PRDM15: variants seen among roughly 807,000 people sequenced by gnomAD.
PRDM15 encodes PR domain zinc finger protein 15.
PRDM15 carries 64 observed loss-of-function variants against 128.6 expected under a neutral mutation model. That is an observed-to-expected ratio of 0.50 (90% confidence interval 0.41 to 0.61). The LOEUF (loss-of-function observed/expected upper bound fraction) is 0.61. PRDM15 is among the 20% of genes least tolerant of loss of function. The pLI is 0.00. For missense variants in PRDM15, 1,242 were observed against 1,569.1 expected, an observed-to-expected ratio of 0.79 and a Z score of 3.52; for synonymous variants, 615 against 621.8, an observed-to-expected ratio of 0.99 and a Z score of 0.16.
rs1226394694 is a variant in PRDM15, at chr21:41,828,878, T to C, written c.1367-545A>G. The stretch of plus-strand genomic sequence containing the variant: ...ATTCCCCCCTTCACCCAAATCCTCC[T>C]CAGCACACACACAATCACACACCAC... On this transcript the variant is annotated intron_variant, in intron 11 of 23. Transcript: ENST00000398548. The surrounding 1 kb of genome is among the most constrained non-coding windows in gnomAD (Gnocchi z 5.7). Among the ~76,000 whole-genome samples, 1 of 151,558 alleles carries C rather than the reference T, an allele frequency of 6.6e-6. No homozygotes were observed.
At chr21:41,866,576 A>T (rs2064016659) in intron 1 of PRDM15, among the ~76,000 whole-genome samples, 2 of 152,256 alleles carry the variant, frequency 1.3e-5, no homozygotes, top group African/African-American at 4.8e-5. Context: ...AAGTTCAAAC[A>T]AAGCCTGTGC....
chr21:41,869,569 C>T lies in PRDM15; in HGVS notation c.-9-9197G>A, dbSNP rs371332135. On this transcript the variant is annotated intron_variant, in intron 1 of 23. Transcript: ENST00000398548. Reference sequence around the variant, plus strand: ...TCAAGTGATTCTCCTGCCTCAGCCTCTGGAGTAGCTGGGATTACAGGCATG... The same window carrying T: ...TCAAGTGATTCTCCTGCCTCAGCCTTTGGAGTAGCTGGGATTACAGGCATG... 1.1e-4 allele frequency among the ~76,000 whole-genome samples: 16 copies of T among 152,050 alleles called. No homozygotes were observed. The East Asian group carries it at 2.9e-3, about 28-fold the overall frequency.
chr21:41,820,251 T>C, intron 16 of PRDM15, 77 bp from the exon 17 acceptor site: 1 of 1,130,192 alleles, frequency 8.8e-7, no homozygotes, highest in South Asian at 1.3e-5. Flanking sequence ...CCCCAGCACC[T>C]TCATCTGCAA....
At chr21:41,833,703 G>A (rs1467908454) in intron 11 of PRDM15, among the ~76,000 whole-genome samples, 1 of 152,156 alleles carries the variant, frequency 6.6e-6, no homozygotes, top group Non-Finnish European at 1.5e-5. Flanking sequence ...CTGGCGCTCT[G>A]CGGGTTCTAG....
At chr21:41,844,185 T>G (rs903153531) in intron 6 of PRDM15, among the ~76,000 whole-genome samples, 1 of 151,978 alleles carries the variant, frequency 6.6e-6, no homozygotes, top group African/African-American at 2.4e-5. Flanking sequence ...TTTGCCTCAT[T>G]AGAACAGCAG....
At chr21:41,808,458 G>A (rs1385743787) in intron 21 of PRDM15, among the ~76,000 whole-genome samples, 4 of 152,216 alleles carry the variant, frequency 2.6e-5, no homozygotes, top group South Asian at 2.1e-4. Context: ...ACAGCAACAC[G>A]GCGACGTCCC....
intron 1 of PRDM15, among the ~76,000 whole-genome samples, chr21:41,867,954 G>A (rs541785827): frequency 6.6e-6 from 1 of 151,990 alleles, no homozygotes; most frequent in East Asian, 1.9e-4. Flanking sequence ...CTACTTGGGA[G>A]GCTGAGGCAG....
chr21:41,851,523 G>A (rs2063429303), intron 5 of PRDM15, among the ~76,000 whole-genome samples: 1 of 152,240 alleles, frequency 6.6e-6, no homozygotes, highest in Non-Finnish European at 1.5e-5. Flanking sequence ...AGGGGAAGGA[G>A]CCAGATAGGT....
chr21:41,841,249 A>C (rs989661832), intron 6 of PRDM15, among the ~76,000 whole-genome samples: 2 of 152,350 alleles, frequency 1.3e-5, no homozygotes, highest in Admixed American at 1.3e-4. Flanking sequence ...AAGACAGAGG[A>C]GGTTTCAAAA....
intron 23 of PRDM15, 116 bp downstream of exon 23, chr21:41,802,596 T>A: frequency 7.0e-6 from 6 of 854,170 alleles, no homozygotes; most frequent in Non-Finnish European, 9.9e-6. Context: ...TTCAACCACA[T>A]GAAGTCCACA....
intron 6 of PRDM15, among the ~76,000 whole-genome samples, chr21:41,840,961 G>T (rs560358313): frequency 1.1e-4 from 17 of 152,278 alleles, no homozygotes; most frequent in African/African-American, 3.6e-4. Flanking sequence ...ATGAAGAGCT[G>T]CAAAGATTAC....
At position 41,859,012 on chromosome 21, in the gene PRDM15, G is replaced by C. The variant is rs972913694; in HGVS notation, c.131+580C>G. The C allele has an allele frequency of 1.3e-6, 2 of 1,537,420 alleles. No homozygotes were observed. Among genetic ancestry groups the C allele is most frequent in the South Asian group, 1.2e-5 (1 of 83,548 alleles). ...AGAGGCCACCGAGGTCCGGAGAGGA[G>C]TGCCTTGTCCAAGCTCACCTGCCCT... On this transcript the variant is annotated intron_variant, in intron 3 of 23. Transcript: ENST00000398548. This position sits in a 1 kb window ranked among gnomAD's most constrained non-coding sequence, Gnocchi z 5.3.
rs1428702841 is a variant in PRDM15, at chr21:41,862,229, C to T, written c.-9-1857G>A. ...CGGTCAGGAGCTTGGGCGATGGGAA[C>T]GATAGGCCTTAAGAGGCGCCCCACA... On this transcript the variant is annotated intron_variant, in intron 1 of 23. Transcript: ENST00000398548. The surrounding 1 kb of genome is among the most constrained non-coding windows in gnomAD (Gnocchi z 4.1). Among the ~76,000 whole-genome samples the T allele has an allele frequency of 5.3e-5, 8 of 152,178 alleles. No individual in the cohort carries two copies. The highest frequency in any genetic ancestry group is 1.9e-4 in the East Asian group (1 of 5,184).
chr21:41,878,908 G>A, intron 1 of PRDM15: 5 of 954,136 alleles, frequency 5.2e-6, no homozygotes, highest in Non-Finnish European at 6.2e-6. Context: ...CCGCGGCCCC[G>A]CGCTGGGCCT....
chr21:41,823,306 C>A lies in PRDM15; in HGVS notation c.1761+12G>T, dbSNP rs200628953. On this transcript the variant is annotated intron_variant, in intron 14 of 23. Coordinates refer to ENST00000398548, the MANE Select transcript of PRDM15 (RefSeq NM_001040424.3). The stretch of plus-strand genomic sequence containing the variant: ...TGAGCATGCCTGGGTGAGGGCAGCA[C>A]GCGATCGACACCTTGAAGTGGACAT... 1.2e-6 allele frequency: 2 copies of A among 1,606,728 alleles called. No individual in the cohort carries two copies. The highest frequency in any genetic ancestry group is 1.1e-5 in the South Asian group (1 of 89,396).
At chr21:41,842,375 C>T (rs1292207967) in intron 6 of PRDM15, among the ~76,000 whole-genome samples, 1 of 152,230 alleles carries the variant, frequency 6.6e-6, no homozygotes, top group Non-Finnish European at 1.5e-5. Context: ...TTATCTTCTC[C>T]ACAATCTCAC....
chr21:41,867,286 A>T (rs763427496), intron 1 of PRDM15: 2 of 1,606,044 alleles, frequency 1.2e-6, no homozygotes, highest in Middle Eastern at 1.7e-4. Context: ...ACTCCTTTCT[A>T]CTCTAGCCCT....
chr21:41,810,984 TC>T lies in PRDM15; in HGVS notation c.2393-149del. The T allele has an allele frequency of 1.5e-6, 1 of 659,810 alleles. No homozygotes were observed. The highest frequency in any genetic ancestry group is 2.7e-6 in the Non-Finnish European group (1 of 375,670). 40.9% of individuals were successfully genotyped at this position (659,810 alleles called of 1,614,324 possible). A position where few individuals can be genotyped will look rare whatever the true frequency, so the allele number is the denominator to read the frequency against. Reference sequence around the variant, plus strand: ...GAAGACAGCAGACAATGAACGCTCATCCCCAGCCTCGGCCAGCAAAGTGTGG... The same window carrying T: ...GAAGACAGCAGACAATGAACGCTCATCCCAGCCTCGGCCAGCAAAGTGTGG... On this transcript the variant is annotated intron_variant, in intron 19 of 23. Coordinates refer to ENST00000398548, the MANE Select transcript of PRDM15 (RefSeq NM_001040424.3). The surrounding 1 kb of genome is among the most constrained non-coding windows in gnomAD (Gnocchi z 6.4).
Position 41,854,470 on chromosome 21 carries a change from T to C in PRDM15, c.538+96A>G. 1.4e-6 allele frequency: 2 copies of C among 1,474,696 alleles called. No homozygotes were observed. Among genetic ancestry groups the C allele is most frequent in the South Asian group, 2.5e-5 (2 of 81,164 alleles). The allele number at this position is 1,474,696 out of a possible 1,614,324, so 91.4% of individuals were successfully genotyped here. Reference sequence around the variant, plus strand: ...CCAGCAGCTGGCCCAGCCCAACCCATCTCATCAGTGTGGGGTCAGCACAGA... The same window carrying C: ...CCAGCAGCTGGCCCAGCCCAACCCACCTCATCAGTGTGGGGTCAGCACAGA... On this transcript the variant is annotated intron_variant, in intron 5 of 23. Transcript: ENST00000398548. The surrounding 1 kb of genome is among the most constrained non-coding windows in gnomAD (Gnocchi z 4.6).
Sources: gnomAD v4.1 joint callset for allele counts (sites outside exome capture counted in the v4.1 genomes callset) on GRCh38, gnomAD v4.1.1 for gene constraint, Gnocchi (gnomAD v3.1) non-coding constraint, MANE v1.5 for transcripts, NCBI Gene and HGNC (gene_info 2026-07-23, HGNC 2026-07-21) for gene names.